Variants in MAPKAPK3 observed in about 807,000 individuals in gnomAD.
The protein encoded by MAPKAPK3 is MAPK activated protein kinase 3, also known as MAP kinase-activated protein kinase 3.
Under a neutral mutation model 49.2 loss-of-function variants are expected in MAPKAPK3, and 35 were observed. The observed-to-expected ratio is 0.71, with a 90% CI of 0.54 to 0.94. The LOEUF (loss-of-function observed/expected upper bound fraction) is 0.94. Among genes scored for constraint, MAPKAPK3 ranks in the 40% least tolerant of loss-of-function variants. The pLI, the probability that MAPKAPK3 is intolerant of heterozygous loss-of-function variation, is 0.00. For missense variants in MAPKAPK3, 398 were observed against 493.1 expected, an observed-to-expected ratio of 0.81 and a Z score of 1.83; for synonymous variants, 178 against 188.7, an observed-to-expected ratio of 0.94 and a Z score of 0.46.
Position 50,617,610 on chromosome 3 carries a change from G to A in MAPKAPK3, c.45G>A (p.Pro15=), listed in dbSNP as rs2032502419. ...TAEEQGGPVP[P]PVAPGGPGLG... ...AGGAGCAGGGGGGCCCTGTGCCCCC[G>A]CCAGTTGCACCCGGCGGACCCGGCT... The change falls in exon 2 of 11, where the codon CCG becomes CCA. Residue 15 remains proline (P), a synonymous_variant. Transcript: ENST00000621469. 6.2e-7 allele frequency: 1 copy of A among 1,603,516 alleles called. No homozygotes were observed.
chr3:50,635,562 C>T (rs1039681344), intron 2 of MAPKAPK3, among the ~76,000 whole-genome samples: 4 of 151,504 alleles, frequency 2.6e-5, no homozygotes, highest in Non-Finnish European at 2.9e-5. Context: ...GGGTTACAGA[C>T]GCACACCACC....
chr3:50,626,723 G>A (rs896411045), intron 2 of MAPKAPK3, among the ~76,000 whole-genome samples: 1 of 152,160 alleles, frequency 6.6e-6, no homozygotes, highest in African/African-American at 2.4e-5. Flanking sequence ...GAATCAGAAT[G>A]GATTATCACG....
At position 50,617,249 on chromosome 3, in the gene MAPKAPK3, C is replaced by G. The variant is rs908205837; in HGVS notation, c.-53+8C>G. 2.3e-5 allele frequency: 6 copies of G among 259,834 alleles called. No homozygotes were observed. The highest frequency in any genetic ancestry group is 5.2e-5 in the Admixed American group (1 of 19,360). 16.1% of individuals were successfully genotyped at this position (259,834 alleles called of 1,614,324 possible). Reference sequence around the variant, plus strand: ...AAGGTGCGTTGCCGCCAGGTACGCCCTCGCTGGGCCCCCTCTGCGGCCTCC... The same window carrying G: ...AAGGTGCGTTGCCGCCAGGTACGCCGTCGCTGGGCCCCCTCTGCGGCCTCC... On this transcript the variant is annotated splice_region_variant and intron_variant, in intron 1 of 10. Transcript: ENST00000621469.
At chr3:50,618,036 C>T (rs2032516855) in intron 2 of MAPKAPK3, among the ~76,000 whole-genome samples, 3 of 152,280 alleles carry the variant, frequency 2.0e-5, no homozygotes, top group Admixed American at 2.0e-4. Flanking sequence ...ATGCTGTATC[C>T]GGAAGCAGGG....
intron 2 of MAPKAPK3, among the ~76,000 whole-genome samples, chr3:50,634,568 A>G (rs1210513619): frequency 6.6e-6 from 1 of 150,820 alleles, no homozygotes; most frequent in Non-Finnish European, 1.5e-5. Context: ...GGCTCACTGC[A>G]ACCTCCACTT....
intron 2 of MAPKAPK3, among the ~76,000 whole-genome samples, chr3:50,622,649 G>A (rs1010607682): frequency 5.3e-5 from 8 of 152,228 alleles, no homozygotes; most frequent in Admixed American, 2.6e-4. Context: ...CCACAGGAGA[G>A]GGGTTCTTTG....
chr3:50,619,556 C>G (rs2032557674), intron 2 of MAPKAPK3, among the ~76,000 whole-genome samples: 1 of 152,088 alleles, frequency 6.6e-6, no homozygotes, highest in African/African-American at 2.4e-5. Context: ...CCCCTCTGGG[C>G]ACTATTTAAC....
rs1032039030 is a variant in MAPKAPK3, at chr3:50,640,496, T to C, written c.350T>C (p.Ile117Thr). ...CATGGCAAGCGCTGTCTCCTCATCA[T>C]CATGGAATGGTATGCTGGCCTGCCC... ...MHHGKRCLLI[I>T]MECMEGGELF... The change falls in exon 3 of 11, where the codon ATC becomes ACC. Residue 117 changes from isoleucine (I) to threonine (T), a missense_variant. This residue lies in a region of MAPKAPK3 where 52 missense variants were observed against 91.9 expected (regional missense o/e 0.57). Transcript: ENST00000621469. 2 of 1,611,138 alleles carry C rather than the reference T, an allele frequency of 1.2e-6. No individual in the cohort carries two copies. The highest frequency in any genetic ancestry group is 1.7e-6 in the Non-Finnish European group (2 of 1,177,828).
chr3:50,624,021 G>C (rs1000611838), intron 2 of MAPKAPK3, among the ~76,000 whole-genome samples: 2 of 152,258 alleles, frequency 1.3e-5, no homozygotes, highest in African/African-American at 4.8e-5. Context: ...GACTGTGAAG[G>C]CCACCTCAGA....
chr3:50,644,343 T>A, intron 5 of MAPKAPK3, 66 bp from the exon 6 acceptor site: 1 of 1,585,608 alleles, frequency 6.3e-7, no homozygotes, highest in African/African-American at 1.3e-5. Flanking sequence ...TGGCTGAAGA[T>A]CACCTTGGGG....
intron 6 of MAPKAPK3, among the ~76,000 whole-genome samples, chr3:50,644,983 T>C (rs1444461459): frequency 6.6e-6 from 1 of 152,154 alleles, no homozygotes; most frequent in Non-Finnish European, 1.5e-5. Context: ...CTTGGAGGTG[T>C]GCACATACTC....
chr3:50,632,022 A>C (rs2032927219), intron 2 of MAPKAPK3, among the ~76,000 whole-genome samples: 1 of 152,190 alleles, frequency 6.6e-6, no homozygotes, highest in Admixed American at 6.5e-5. Flanking sequence ...AAGAAAATAA[A>C]GGTCTGGTGA....
At chr3:50,630,197 G>A (rs990738845) in intron 2 of MAPKAPK3, among the ~76,000 whole-genome samples, 7 of 152,220 alleles carry the variant, frequency 4.6e-5, no homozygotes, top group African/African-American at 1.7e-4. Context: ...AAGGAGCCAG[G>A]ACCAGTTTCC....
intron 2 of MAPKAPK3, among the ~76,000 whole-genome samples, chr3:50,631,013 G>GT (rs1277149993): frequency 2.0e-5 from 3 of 152,208 alleles, no homozygotes; most frequent in Non-Finnish European, 2.9e-5. Flanking sequence ...TTTGGGGTCA[G>GT]TGGTATCATG....
chr3:50,616,917 G>C (rs1291666079), upstream of MAPKAPK3, among the ~76,000 whole-genome samples: 2 of 151,926 alleles, frequency 1.3e-5, no homozygotes, highest in East Asian at 3.9e-4. Flanking sequence ...GCCAGTACAG[G>C]GGCCTCCCTG....
intron 2 of MAPKAPK3, among the ~76,000 whole-genome samples, chr3:50,634,337 A>G (rs1324941967): frequency 6.6e-6 from 1 of 151,740 alleles, no homozygotes; most frequent in Non-Finnish European, 1.5e-5. Flanking sequence ...GTGTGTACCT[A>G]TTGGGCACTA....
At chr3:50,647,352 T>C (rs895916582) in intron 10 of MAPKAPK3, 149 bp downstream of exon 10, 2 of 654,774 alleles carry the variant, frequency 3.1e-6, no homozygotes, top group South Asian at 1.9e-5. Context: ...GGTCCAACCA[T>C]GGCACTCCAA....
chr3:50,612,232 G>GGAAGGGCCCTCTTA (rs1436078837), upstream of MAPKAPK3: 1 of 152,340 alleles, frequency 6.6e-6, no homozygotes, highest in Non-Finnish European at 1.5e-5. Flanking sequence ...GCGTCGTTGG[G>GGAAGGGCCCTCTTA]GAAGGGCCCT....
At chr3:50,637,549 G>A (rs554617062) in intron 2 of MAPKAPK3, among the ~76,000 whole-genome samples, 9 of 151,526 alleles carry the variant, frequency 5.9e-5, no homozygotes, top group Admixed American at 2.0e-4. Context: ...GCAGAATGAC[G>A]TGAACCCGGG....
Sources: allele counts gnomAD v4.1 joint callset (sites outside exome capture counted in the v4.1 genomes callset), GRCh38; gene constraint gnomAD v4.1.1; regional missense constraint gnomAD v4.1.1; transcripts MANE v1.5; gene names NCBI Gene and HGNC (gene_info 2026-07-23, HGNC 2026-07-21).